Variants in KCNMA1 observed in about 807,000 individuals in gnomAD.
KCNMA1 encodes the protein Calcium-activated potassium channel subunit alpha-1.
KCNMA1 carries 29 observed loss-of-function variants against 140.0 expected under a neutral mutation model. The ratio of observed to expected loss-of-function variants is 0.21; its 90% CI spans 0.15 to 0.28. KCNMA1 has a LOEUF of 0.28. Ranked by LOEUF, KCNMA1 falls within the 10% of genes least tolerant of loss-of-function variation. The pLI, the probability that KCNMA1 is intolerant of heterozygous loss-of-function variation, is 1.00. For missense variants in KCNMA1, 880 were observed against 1,602.2 expected (o/e 0.55, Z 7.70); for synonymous variants, 612 against 611.9 (o/e 1.00, Z 0.00).
chr10:77,604,500 T>C (rs891020580), intron 1 of KCNMA1, among the ~76,000 whole-genome samples: 1 of 151,962 alleles, frequency 6.6e-6, no homozygotes, highest in African/African-American at 2.4e-5. Context: ...AGGCCAGCAG[T>C]TCAAGACCAG....
intron 1 of KCNMA1, among the ~76,000 whole-genome samples, chr10:77,564,191 A>G (rs561102473): frequency 1.3e-5 from 2 of 152,372 alleles, no homozygotes; most frequent in Admixed American, 6.5e-5. Flanking sequence ...AGAAGAGTGA[A>G]TTCACAGTGA....
intron 3 of KCNMA1, among the ~76,000 whole-genome samples, chr10:77,221,611 A>G (rs966351919): frequency 6.6e-6 from 1 of 152,224 alleles, no homozygotes; most frequent in Non-Finnish European, 1.5e-5. Flanking sequence ...TGATTATTAC[A>G]TAATAAGTGC....
chr10:77,084,207 C>T (rs1379679235), intron 12 of KCNMA1, among the ~76,000 whole-genome samples: 1 of 152,140 alleles, frequency 6.6e-6, no homozygotes, highest in East Asian at 1.9e-4. Flanking sequence ...ATGCCAGCAG[C>T]ACGGTCCCCT....
Position 77,401,748 on chromosome 10 carries a change from G to A in KCNMA1, c.540+2114C>T, listed in dbSNP as rs550485263. Among the ~76,000 whole-genome samples, 7 of 152,052 alleles carry A rather than the reference G, an allele frequency of 4.6e-5. No homozygotes were observed. The South Asian group carries it at 1.0e-3, about 23-fold the overall frequency. ...ATGTTTTTATTTTTTATATCTTCCC[G>A]CCATAAAGCAGCTCATCTTGAAATG... On this transcript the variant is annotated intron_variant, in intron 2 of 27. Transcript: ENST00000286628.
At chr10:77,187,772 A>G (rs2098888346) in intron 3 of KCNMA1, among the ~76,000 whole-genome samples, 1 of 152,012 alleles carries the variant, frequency 6.6e-6, no homozygotes, top group South Asian at 2.1e-4. Context: ...CCCCAGGAGA[A>G]ATGTCCTGCC....
At position 77,257,406 on chromosome 10, in the gene KCNMA1, C is replaced by T. The variant is rs149976234; in HGVS notation, c.541-6150G>A. Among the ~76,000 whole-genome samples the T allele has an allele frequency of 2.4e-3, 370 of 152,166 alleles. 1 individual carries two copies. Among genetic ancestry groups the T allele is most frequent in the Middle Eastern group, 6.8e-3 (2 of 294 alleles). ...AAGAGTCCCTTCTGAATGTAAGAAG[C>T]GCTACACATATCAACAGTCATCTCC... On this transcript the variant is annotated intron_variant, in intron 2 of 27. Coordinates refer to ENST00000286628, the MANE Select transcript of KCNMA1 (RefSeq NM_001161352.2).
chr10:76,999,825 A>G (rs1034001169), intron 19 of KCNMA1, among the ~76,000 whole-genome samples: 1 of 152,170 alleles, frequency 6.6e-6, no homozygotes, highest in Non-Finnish European at 1.5e-5. Context: ...GAAATCGTGA[A>G]TCAGAGAGAA....
At chr10:77,483,841 G>A (rs1029158007) in intron 1 of KCNMA1, among the ~76,000 whole-genome samples, 1 of 152,182 alleles carries the variant, frequency 6.6e-6, no homozygotes, top group Non-Finnish European at 1.5e-5. Flanking sequence ...TGACACTGTC[G>A]CCCAAGCAAT....
At chr10:77,324,971 C>CTCTCTCTGTGTGTGTGTGTG (rs766240356) in intron 2 of KCNMA1, among the ~76,000 whole-genome samples, 3 of 90,448 alleles carry the variant, frequency 3.3e-5, no homozygotes, top group African/African-American at 4.6e-5. Flanking sequence ...CTCTCTCTCT[C>CTCTCTCTGTGTGTGTGTGTG]TGTGTGTGTG....
chr10:76,971,400 A>G (rs990681732), intron 19 of KCNMA1, among the ~76,000 whole-genome samples: 11 of 152,176 alleles, frequency 7.2e-5, no homozygotes, highest in Non-Finnish European at 1.5e-4. Flanking sequence ...AACGCTAAAT[A>G]AATTTAGTAG....
At chr10:77,408,293 C>T (rs1159006440) in intron 1 of KCNMA1, among the ~76,000 whole-genome samples, 2 of 152,224 alleles carry the variant, frequency 1.3e-5, no homozygotes, top group Non-Finnish European at 2.9e-5. Context: ...AACCTTCCAC[C>T]TCCCACTGCA....
In KCNMA1 at chr10:77,108,198, G is replaced by A; in HGVS notation, c.1223+283C>T. The stretch of plus-strand genomic sequence containing the variant: ...CTTCCCTCACAGAAGCACCCGGTGG[G>A]GTTGGGGAGGGGCAGAATTCAGATG... On this transcript the variant is annotated intron_variant, in intron 9 of 27. Coordinates refer to ENST00000286628, the MANE Select transcript of KCNMA1 (RefSeq NM_001161352.2). This position sits in a 1 kb window ranked among gnomAD's most constrained non-coding sequence, Gnocchi z 4.6. 9.6e-7 allele frequency: 1 copy of A among 1,044,668 alleles called. No homozygotes were observed. The highest frequency in any genetic ancestry group is 1.3e-6 in the Non-Finnish European group (1 of 743,624). The allele number at this position is 1,044,668 out of a possible 1,614,324, so 64.7% of individuals were successfully genotyped here.
chr10:77,415,981 C>CT (rs530426358), intron 1 of KCNMA1, among the ~76,000 whole-genome samples: 1 of 152,136 alleles, frequency 6.6e-6, no homozygotes, highest in South Asian at 2.1e-4. Flanking sequence ...TTGACAGTTT[C>CT]TTTTTTTATG....
chr10:77,344,322 C>T (rs527769103), intron 2 of KCNMA1, among the ~76,000 whole-genome samples: 5 of 152,194 alleles, frequency 3.3e-5, no homozygotes, highest in Admixed American at 1.3e-4. Context: ...TCCAAATGAA[C>T]GGTCCTTAAT....
At chr10:77,392,093 G>A (rs1159818051) in intron 2 of KCNMA1, among the ~76,000 whole-genome samples, 4 of 148,092 alleles carry the variant, frequency 2.7e-5, no homozygotes, top group African/African-American at 5.0e-5. Flanking sequence ...TTCATGGGTT[G>A]GGAAGGAGGG....
intron 1 of KCNMA1, among the ~76,000 whole-genome samples, chr10:77,507,424 C>T (rs560650034): frequency 1.3e-5 from 2 of 152,340 alleles, no homozygotes; most frequent in South Asian, 4.1e-4. Context: ...AGACTACCCC[C>T]ACTGCCCCAT....
At chr10:77,138,486 T>C (rs939026059) in intron 5 of KCNMA1, among the ~76,000 whole-genome samples, 4 of 152,174 alleles carry the variant, frequency 2.6e-5, no homozygotes, top group African/African-American at 4.8e-5. Flanking sequence ...GCCAGAACCA[T>C]GGTTCACACT....
intron 3 of KCNMA1, among the ~76,000 whole-genome samples, chr10:77,236,245 AG>A (rs1230525140): frequency 6.6e-6 from 1 of 152,232 alleles, no homozygotes; most frequent in Non-Finnish European, 1.5e-5. Flanking sequence ...AGATAATGAA[AG>A]CACCATATTT....
At chr10:77,381,932 C>T (rs567170703) in intron 2 of KCNMA1, among the ~76,000 whole-genome samples, 38 of 152,276 alleles carry the variant, frequency 2.5e-4, no homozygotes, top group African/African-American at 5.8e-4. Flanking sequence ...ACAGGCTTGA[C>T]GTCAATTAAA....
Sources: allele counts gnomAD v4.1 joint callset (sites outside exome capture counted in the v4.1 genomes callset), GRCh38; gene constraint gnomAD v4.1.1; non-coding constraint Gnocchi (gnomAD v3.1); transcripts MANE v1.5; gene names NCBI Gene and HGNC (gene_info 2026-07-23, HGNC 2026-07-21).